ZNF880: variants seen among roughly 807,000 people sequenced by gnomAD.
ZNF880 encodes zinc finger protein 880, also known as zinc finger protein LOC400713.
Under a neutral mutation model 11.8 loss-of-function variants are expected in ZNF880, and 12 were observed. That is an observed-to-expected ratio of 1.02 (90% CI 0.65 to 1.65). ZNF880 has a LOEUF of 1.65. Among genes scored for constraint, ZNF880 ranks in the 40% most tolerant of loss-of-function variants. ZNF880 has a pLI of 0.00. For synonymous variants in ZNF880, 210 were observed against 232.4 expected (o/e 0.90, Z 0.88); for missense variants, 601 against 673.9 (o/e 0.89, Z 1.20).
downstream of ZNF880, among the ~76,000 whole-genome samples, chr19:52,388,653 T>C (rs1986961591): frequency 6.6e-6 from 1 of 152,030 alleles, no homozygotes; most frequent in Admixed American, 6.6e-5. Flanking sequence ...TTGAGAATGA[T>C]GATGCCATAC....
intron 3 of ZNF880, among the ~76,000 whole-genome samples, chr19:52,378,199 C>G: frequency 6.6e-6 from 1 of 152,138 alleles, no homozygotes; most frequent in Non-Finnish European, 1.5e-5. Context: ...GTGTCAGGAG[C>G]CAACGAAGAG....
chr19:52,385,563 A>AATCCCAAAG lies in ZNF880; in HGVS notation c.*249_*250insATCCCAAAG, dbSNP rs371978669. 897 of 449,528 alleles carry AATCCCAAAG rather than the reference A, an allele frequency of 2.0e-3. 16 individuals carry two copies. Among genetic ancestry groups the AATCCCAAAG allele is most frequent in the African/African-American group, 2.8e-3 (134 of 47,172 alleles). 27.8% of individuals were successfully genotyped at this position (449,528 alleles called of 1,614,324 possible). A position where few individuals can be genotyped will look rare whatever the true frequency, so the allele number is the denominator to read the frequency against. Reference sequence around the variant, plus strand: ...ATGAAACCATACAGATGGATTATGTATGCTGAGGCTATTATTCAAGGACCA... The same window carrying AATCCCAAAG: ...ATGAAACCATACAGATGGATTATGTAATCCCAAAGTGCTGAGGCTATTATTCAAGGACCA... On this transcript the variant is annotated 3_prime_UTR_variant, in exon 4 of 4. Transcript: ENST00000422689.
chr19:52,385,014 C>T lies in ZNF880; in HGVS notation c.1434C>T (p.Asn478=). The T allele has an allele frequency of 6.4e-7, 1 of 1,566,266 alleles. No individual in the cohort carries two copies. The highest frequency in any genetic ancestry group is 8.7e-7 in the Non-Finnish European group (1 of 1,154,372). ...ECGKDFTRNS[N]LANHHRIHTG... The stretch of plus-strand genomic sequence containing the variant: ...GCAAGGACTTCACTCGAAATTCAAA[C>T]CTTGCAAATCATCACAGAATCCATA... Residue 478 remains asparagine, a synonymous_variant, in exon 4 of 4, where the codon AAC becomes AAT. Transcript: ENST00000422689.
At chr19:52,396,121 A>ATTTTTTTT in the ZNF880 span, among the ~76,000 whole-genome samples, 4 of 120,646 alleles carry the variant, frequency 3.3e-5, no homozygotes, top group African/African-American at 3.2e-5. Flanking sequence ...TGCCTGGCTA[A>ATTTTTTTT]TTTTTTTTTT....
At chr19:52,382,878 C>A (rs940091359) in intron 3 of ZNF880, among the ~76,000 whole-genome samples, 2 of 152,126 alleles carry the variant, frequency 1.3e-5, no homozygotes, top group African/African-American at 4.8e-5. Flanking sequence ...ATGGTGATTT[C>A]GAATCTTCTG....
chr19:52,390,308 T>C, downstream of ZNF880: 1 of 393,014 alleles, frequency 2.5e-6, no homozygotes, highest in Non-Finnish European at 5.2e-6. Flanking sequence ...CGTCAGCTCC[T>C]GGAGCGCAGC....
chr19:52,384,686 G>T lies in ZNF880; in HGVS notation c.1106G>T (p.Arg369Ile). 6.2e-7 allele frequency: 1 copy of T among 1,610,642 alleles called. No homozygotes were observed. Among genetic ancestry groups the T allele is most frequent in the Non-Finnish European group, 8.5e-7 (1 of 1,178,502 alleles). ...KVFNRNAHLT[R>I]HQRIHTGEKP... ...TTCAATCGAAATGCACACCTTACCA[G>T]ACATCAAAGAATCCATACTGGAGAG... The change falls in exon 4 of 4, where the codon AGA (arginine) becomes ATA (isoleucine). Residue 369 changes from arginine (R) to isoleucine (I), a missense_variant. By Grantham distance (97) the Arg-to-Ile change is moderately conservative. This residue lies in a region of ZNF880 where 420 missense variants were observed against 442.6 expected (regional missense o/e 0.95). Coordinates refer to ENST00000422689, the MANE Select transcript of ZNF880 (RefSeq NM_001145434.2).
In ZNF880 at chr19:52,384,916, A is replaced by C; in HGVS notation, c.1336A>C (p.Arg446=). 6.2e-7 allele frequency: 1 copy of C among 1,601,584 alleles called. No individual in the cohort carries two copies. The change falls in exon 4 of 4, where the codon AGG becomes CGG. Residue 446 remains arginine, a synonymous_variant. Coordinates refer to ENST00000422689, the MANE Select transcript of ZNF880 (RefSeq NM_001145434.2). ...YKCKECAKVF[R]HRLSLSNHQR... Reference sequence around the variant, plus strand: ...ATGTAAAGAATGTGCCAAGGTCTTCAGGCATAGATTATCCCTAAGCAATCA... The same window carrying C: ...ATGTAAAGAATGTGCCAAGGTCTTCCGGCATAGATTATCCCTAAGCAATCA...
At chr19:52,395,115 G>A in the ZNF880 span, among the ~76,000 whole-genome samples, 9 of 152,220 alleles carry the variant, frequency 5.9e-5, no homozygotes, top group East Asian at 1.7e-3. Context: ...CATATTTTCT[G>A]TTGGTACACT....
At chr19:52,372,290 ATT>A (rs770129861) in intron 1 of ZNF880, among the ~76,000 whole-genome samples, 9 of 138,698 alleles carry the variant, frequency 6.5e-5, no homozygotes, top group African/African-American at 8.0e-5. Context: ...ATCTCTACTA[ATT>A]TTTTTTTTTT....
chr19:52,368,878 A>T (rs1389391128), upstream of ZNF880, among the ~76,000 whole-genome samples: 2 of 145,376 alleles, frequency 1.4e-5, no homozygotes, highest in African/African-American at 5.1e-5. Context: ...GCTACTTGGG[A>T]GGCTGAGATG....
At chr19:52,387,810 C>T (rs1157457942), downstream of ZNF880, among the ~76,000 whole-genome samples, 2 of 133,924 alleles carry the variant, frequency 1.5e-5, no homozygotes, top group African/African-American at 6.2e-5. Context: ...ACCACAATGT[C>T]TTTTTTTTCC....
At position 52,374,255 on chromosome 19, in the gene ZNF880, G is replaced by A. The variant is rs147351704; in HGVS notation, c.140-44G>A. On this transcript the variant is annotated intron_variant, in intron 2 of 3. Transcript: ENST00000422689. The stretch of plus-strand genomic sequence containing the variant: ...TTTTTAGTAGAGATGGGGTTTCACC[G>A]TGTTAGCCAGGATAGTCTTGATATT... The A allele has an allele frequency of 4.8e-3, 7,403 of 1,532,110 alleles. 312 individuals carry two copies. The African/African-American group carries it at 0.089, about 19-fold the overall frequency. 94.9% of individuals were successfully genotyped at this position (1,532,110 alleles called of 1,614,324 possible).
upstream of ZNF880, among the ~76,000 whole-genome samples, chr19:52,368,616 T>G (rs62108313): frequency 0.17 from 25,836 of 151,320 alleles, 2,694 homozygotes; most frequent in Non-Finnish European, 0.24. Flanking sequence ...AGGGTAGGGC[T>G]GGGGCGGGGA....
At chr19:52,388,282 C>CTTTTTATTTTTTTTTTTTTTTTTTTTTT (rs1986945771), downstream of ZNF880, among the ~76,000 whole-genome samples, 1 of 63,424 alleles carries the variant, frequency 1.6e-5, no homozygotes, top group African/African-American at 8.8e-5. Context: ...GCAATTTGAA[C>CTTTTTATTTTTTTTTTTTTTTTTTTTTT]TTTTTTTTTT....
intron 1 of ZNF880, chr19:52,370,315 C>A (rs73934439): frequency 0.014 from 4,821 of 345,380 alleles, 208 homozygotes; most frequent in African/African-American, 0.091. Context: ...GTCCCCCAAG[C>A]CTCGCCCTCT....
chr19:52,394,077 A>G, the ZNF880 span, among the ~76,000 whole-genome samples: 20 of 151,720 alleles, frequency 1.3e-4, no homozygotes, highest in South Asian at 2.1e-4. Context: ...CTGACCTCGT[A>G]GTCCACCTGC....
Position 52,369,986 on chromosome 19 carries a change from C to T in ZNF880, c.12+9C>T, listed in dbSNP as rs73581129. ...CGGTCATGCTGCGGCGTGTGAGTTT[C>T]CCTTTGTTTAGATTAAATCTGGGAT... is the stretch of plus-strand genomic sequence containing the variant. On this transcript the variant is annotated intron_variant, in intron 1 of 3. Coordinates refer to ENST00000422689, the MANE Select transcript of ZNF880 (RefSeq NM_001145434.2). The T allele has an allele frequency of 3.4e-3, 5,260 of 1,551,584 alleles. 83 individuals are homozygous for T. The African/African-American group carries it at 0.036, about 11-fold the overall frequency.
downstream of ZNF880, among the ~76,000 whole-genome samples, chr19:52,386,530 C>T (rs145242317): frequency 5.0e-3 from 723 of 143,492 alleles, 96 homozygotes; most frequent in East Asian, 0.074. Flanking sequence ...TGGCTGGGCG[C>T]GGTGGCTCAC....
Sources: gnomAD v4.1 joint callset for allele counts (sites outside exome capture counted in the v4.1 genomes callset) on GRCh38, gnomAD v4.1.1 for gene constraint, gnomAD v4.1.1 regional missense constraint, MANE v1.5 for transcripts, NCBI Gene and HGNC (gene_info 2026-07-23, HGNC 2026-07-21) for gene names.